CALD1: variants seen among roughly 807,000 people sequenced by gnomAD.
CALD1 encodes caldesmon.
A neutral mutation model predicts 99.9 loss-of-function variants in CALD1; 33 were observed. The observed-to-expected ratio is 0.33, with a 90% CI of 0.25 to 0.44. The LOEUF is 0.44. Ranked by LOEUF, CALD1 falls within the 20% of genes least tolerant of loss-of-function variation. CALD1 has a pLI of 1.00. For missense variants in CALD1, 861 were observed against 962.1 expected, an observed-to-expected ratio of 0.89 and a Z score of 1.39; for synonymous variants, 310 against 325.0, an observed-to-expected ratio of 0.95 and a Z score of 0.50.
chr7:134,847,448 G>A (rs1334428878), intron 2 of CALD1, among the ~76,000 whole-genome samples: 1 of 152,078 alleles, frequency 6.6e-6, no homozygotes, highest in Admixed American at 6.5e-5. Context: ...CCTTCCCTGG[G>A]AGTCTCCTCT....
chr7:134,914,963 T>C (rs1586291462), intron 3 of CALD1, among the ~76,000 whole-genome samples: 1 of 152,252 alleles, frequency 6.6e-6, no homozygotes, highest in East Asian at 1.9e-4. Flanking sequence ...TTTATCTTGG[T>C]TTCTGCCCTC....
At chr7:134,812,661 G>A (rs1798398511) in intron 1 of CALD1, among the ~76,000 whole-genome samples, 1 of 152,038 alleles carries the variant, frequency 6.6e-6, no homozygotes, top group Admixed American at 6.6e-5. Flanking sequence ...CCAAACTTAG[G>A]AAGAACATAC....
chr7:134,935,544 A>ACC, intron 5 of CALD1, 144 bp from the exon 6 acceptor site: 1 of 1,316,170 alleles, frequency 7.6e-7, no homozygotes, highest in South Asian at 1.5e-5. Context: ...GCTGTTTAGA[A>ACC]CCACTGTGCT....
intron 1 of CALD1, among the ~76,000 whole-genome samples, chr7:134,824,315 C>A (rs1026356367): frequency 1.1e-4 from 17 of 152,322 alleles, no homozygotes; most frequent in East Asian, 3.9e-4. Context: ...GGTTTTCAAT[C>A]AAATCTTCTA....
intron 3 of CALD1, among the ~76,000 whole-genome samples, chr7:134,902,082 C>T (rs1803040538): frequency 6.6e-6 from 1 of 152,090 alleles, no homozygotes; most frequent in East Asian, 1.9e-4. Context: ...GGCACAATCT[C>T]CACACATTGG....
intron 1 of CALD1, among the ~76,000 whole-genome samples, chr7:134,804,115 T>C (rs1343044136): frequency 6.6e-6 from 1 of 152,258 alleles, no homozygotes; most frequent in Non-Finnish European, 1.5e-5. Context: ...GCTTGTTACC[T>C]TTCTACTGTT....
chr7:134,813,136 AT>A (rs751835674), intron 1 of CALD1, among the ~76,000 whole-genome samples: 7 of 152,352 alleles, frequency 4.6e-5, no homozygotes, highest in East Asian at 3.9e-4. Context: ...ATGTAGAAAT[AT>A]TGATGATCTT....
intron 1 of CALD1, among the ~76,000 whole-genome samples, chr7:134,793,453 C>A (rs1024745729): frequency 6.6e-6 from 1 of 152,120 alleles, no homozygotes; most frequent in African/African-American, 2.4e-5. Flanking sequence ...GTTTCAAGCG[C>A]CCATACATTG....
intron 1 of CALD1, among the ~76,000 whole-genome samples, chr7:134,830,990 A>T (rs1453955814): frequency 6.6e-6 from 1 of 152,174 alleles, no homozygotes; most frequent in Non-Finnish European, 1.5e-5. Context: ...AGCAATGCAA[A>T]AACAAAGTGG....
chr7:134,837,937 T>G (rs748582869), intron 1 of CALD1, among the ~76,000 whole-genome samples: 2 of 152,236 alleles, frequency 1.3e-5, no homozygotes, highest in Non-Finnish European at 2.9e-5. Context: ...AGTCTTACAA[T>G]TCCATGCTGT....
chr7:134,849,626 T>G (rs1799995539), intron 2 of CALD1, among the ~76,000 whole-genome samples: 2 of 152,302 alleles, frequency 1.3e-5, no homozygotes, highest in South Asian at 4.1e-4. Context: ...AAAAATATAT[T>G]TTTCTATCCC....
At position 134,954,642 on chromosome 7, in the gene CALD1, G is replaced by A. The variant is rs1807628026; in HGVS notation, c.1936-3427G>A. 3.3e-5 allele frequency among the ~76,000 whole-genome samples: 5 copies of A among 152,190 alleles called. No individual in the cohort carries two copies. In the South Asian group the frequency reaches 1.0e-3, roughly 32 times the overall value. On this transcript the variant is annotated intron_variant, in intron 9 of 14. Coordinates refer to ENST00000361675, the MANE Select transcript of CALD1 (RefSeq NM_033138.4). Reference sequence around the variant, plus strand: ...GAGAATCTCGGTGATTTGAATAAATGCCATGGCCAAGGTTAGAAAGATGAT... The same window carrying A: ...GAGAATCTCGGTGATTTGAATAAATACCATGGCCAAGGTTAGAAAGATGAT...
At chr7:134,815,296 A>C in intron 1 of CALD1, among the ~76,000 whole-genome samples, 1 of 152,188 alleles carries the variant, frequency 6.6e-6, no homozygotes, top group Admixed American at 6.5e-5. Context: ...TCTGTGACAC[A>C]AAGAACAAGA....
At chr7:134,795,644 C>T (rs1366691973) in intron 1 of CALD1, among the ~76,000 whole-genome samples, 1 of 152,082 alleles carries the variant, frequency 6.6e-6, no homozygotes. Context: ...TCTTCCTCCT[C>T]ATTCTTCACA....
chr7:134,737,370 C>T, the CALD1 span, among the ~76,000 whole-genome samples: 1 of 151,994 alleles, frequency 6.6e-6, no homozygotes, highest in African/African-American at 2.4e-5. Context: ...CTCAAGAAAT[C>T]CTCCCACCTT....
chr7:134,886,422 A>G (rs1801854334), intron 3 of CALD1, among the ~76,000 whole-genome samples: 1 of 152,240 alleles, frequency 6.6e-6, no homozygotes, highest in Admixed American at 6.5e-5. Flanking sequence ...CCCTGGATAT[A>G]GCACAAAACT....
intron 1 of CALD1, among the ~76,000 whole-genome samples, chr7:134,787,072 G>A (rs1379399352): frequency 6.6e-6 from 1 of 152,170 alleles, no homozygotes; most frequent in Non-Finnish European, 1.5e-5. Flanking sequence ...GATAGTAGAT[G>A]TATGTAGTTA....
intron 1 of CALD1, among the ~76,000 whole-genome samples, chr7:134,815,078 A>G (rs6968146): frequency 0.72 from 109,430 of 152,004 alleles, 39,728 homozygotes; most frequent in East Asian, 0.96. Flanking sequence ...TGTCAGGAGC[A>G]TGGGCCAGCC....
chr7:134,719,250 A>G, the CALD1 span, among the ~76,000 whole-genome samples: 1 of 152,196 alleles, frequency 6.6e-6, no homozygotes, highest in Admixed American at 6.5e-5. Context: ...GAGAAGAAGG[A>G]AAGGGAGAAG....
Sources: allele counts gnomAD v4.1 joint callset (sites outside exome capture counted in the v4.1 genomes callset), GRCh38; gene constraint gnomAD v4.1.1; transcripts MANE v1.5; gene names NCBI Gene and HGNC (gene_info 2026-07-23, HGNC 2026-07-21).